PPM1D: variants seen among roughly 807,000 people sequenced by gnomAD.
PPM1D encodes protein phosphatase, Mg2+/Mn2+ dependent 1D, also known as protein phosphatase 1D.
PPM1D carries 52 observed loss-of-function variants against 58.3 expected under a neutral mutation model. The ratio of observed to expected loss-of-function variants is 0.89; its 90% CI spans 0.71 to 1.12. The LOEUF (loss-of-function observed/expected upper bound fraction) is 1.12. Ranked by LOEUF, PPM1D falls within the 50% of genes most tolerant of loss-of-function variation. PPM1D has a pLI of 0.00. For synonymous variants in PPM1D, 278 were observed against 285.1 expected (o/e 0.98, Z 0.25); for missense variants, 564 against 777.2 (o/e 0.73, Z 3.26).
At chr17:60,617,146 TAG>T (rs1179921822) in intron 1 of PPM1D, among the ~76,000 whole-genome samples, 1 of 150,260 alleles carries the variant, frequency 6.7e-6, no homozygotes, top group East Asian at 2.0e-4. Flanking sequence ...TTTTTTTTTG[TAG>T]AGACAGAATG....
intron 1 of PPM1D, among the ~76,000 whole-genome samples, chr17:60,613,454 C>T (rs183188012): frequency 3.3e-5 from 5 of 152,368 alleles, no homozygotes; most frequent in East Asian, 1.9e-4. Context: ...GAGTTGACAG[C>T]GTGCTGGCAG....
intron 4 of PPM1D, among the ~76,000 whole-genome samples, chr17:60,654,771 G>A (rs888407946): frequency 6.6e-6 from 1 of 151,548 alleles, no homozygotes; most frequent in Non-Finnish European, 1.5e-5. Context: ...GGGAGGCTGA[G>A]GCAGGAGAAT....
chr17:60,620,292 C>T (rs545146905), intron 1 of PPM1D, among the ~76,000 whole-genome samples: 9 of 151,956 alleles, frequency 5.9e-5, no homozygotes, highest in Admixed American at 1.3e-4. Context: ...CCACCGCGCC[C>T]GGCCTGCCCA....
At chr17:60,657,623 C>T (rs1296877766) in intron 5 of PPM1D, among the ~76,000 whole-genome samples, 1 of 152,162 alleles carries the variant, frequency 6.6e-6, no homozygotes, top group Non-Finnish European at 1.5e-5. Flanking sequence ...TTTTGGGCGT[C>T]GTAATCCTAT....
intron 3 of PPM1D, among the ~76,000 whole-genome samples, chr17:60,645,492 G>GTGTATATATA (rs1351779799): frequency 1.3e-4 from 17 of 132,090 alleles, no homozygotes; most frequent in African/African-American, 3.5e-4. Flanking sequence ...GTGTGTGTGT[G>GTGTATATATA]TATGTGTATA....
At chr17:60,601,535 C>G (rs1385426186) in intron 1 of PPM1D, among the ~76,000 whole-genome samples, 1 of 152,148 alleles carries the variant, frequency 6.6e-6, no homozygotes, top group African/African-American at 2.4e-5. Flanking sequence ...GTGTTGTTAC[C>G]TCTTAAAAAC....
intron 2 of PPM1D, among the ~76,000 whole-genome samples, chr17:60,628,486 A>G (rs1380329039): frequency 6.6e-6 from 1 of 152,182 alleles, no homozygotes; most frequent in African/African-American, 2.4e-5. Flanking sequence ...CATCACCGTA[A>G]GAGTCCTCTG....
intron 1 of PPM1D, among the ~76,000 whole-genome samples, chr17:60,606,568 A>T (rs2030333958): frequency 6.8e-6 from 1 of 147,424 alleles, no homozygotes; most frequent in South Asian, 2.1e-4. Context: ...CTTTTGTATT[A>T]AAAAAAAAAA....
At chr17:60,615,119 GGGTGT>G (rs1384523392) in intron 1 of PPM1D, among the ~76,000 whole-genome samples, 1 of 152,136 alleles carries the variant, frequency 6.6e-6, no homozygotes, top group African/African-American at 2.4e-5. Context: ...TCCTTAGGCT[GGGTGT>G]GGTGGCTCAC....
chr17:60,639,727 C>G (rs2143686781), intron 3 of PPM1D, among the ~76,000 whole-genome samples: 1 of 152,282 alleles, frequency 6.6e-6, no homozygotes, highest in East Asian at 1.9e-4. Flanking sequence ...CGTGAGCCAC[C>G]ACACCCAGCC....
rs2030182199 is a variant in PPM1D at position 60,600,550 on chromosome 17, T to C, written c.136T>C (p.Ser46Pro). 6.4e-7 allele frequency: 1 copy of C among 1,553,118 alleles called. No homozygotes were observed. Among genetic ancestry groups the C allele is most frequent in the Non-Finnish European group, 8.7e-7 (1 of 1,148,860 alleles). ...EEKPSPRRSLSQPLPPRPSPA... is the reference protein window; with the variant it reads ...EEKPSPRRSLPQPLPPRPSPA... ...AAAGCCCTCGCCGCGGCGGTCGCTG[T>C]CTCAGCCGTTGCCTCCGCGGCCGTC... Residue 46 changes from serine (S) to proline (P), a missense_variant, in exon 1 of 6, where the codon TCT becomes CCT. This residue lies in a region of PPM1D where 132 missense variants were observed against 150.4 expected (regional missense o/e 0.88). Coordinates refer to ENST00000305921, the MANE Select transcript of PPM1D (RefSeq NM_003620.4).
At chr17:60,629,694 T>G (rs2030879445) in intron 2 of PPM1D, among the ~76,000 whole-genome samples, 1 of 152,204 alleles carries the variant, frequency 6.6e-6, no homozygotes, top group Non-Finnish European at 1.5e-5. Context: ...TATTATAATT[T>G]TAAATATTGG....
intron 2 of PPM1D, 86 bp downstream of exon 2, chr17:60,623,835 C>G: frequency 7.7e-7 from 1 of 1,300,628 alleles, no homozygotes; most frequent in Non-Finnish European, 1.1e-6. Context: ...ACTACTGTCC[C>G]TTTTACTGAA....
At chr17:60,616,442 T>C (rs1202829683) in intron 1 of PPM1D, among the ~76,000 whole-genome samples, 2 of 151,938 alleles carry the variant, frequency 1.3e-5, no homozygotes, top group Non-Finnish European at 2.9e-5. Context: ...ATCCCGTCTC[T>C]ACTAAAAATA....
chr17:60,643,717 G>C (rs1422443603), intron 3 of PPM1D, among the ~76,000 whole-genome samples: 2 of 151,958 alleles, frequency 1.3e-5, no homozygotes, highest in Non-Finnish European at 1.5e-5. Context: ...CTGACACACT[G>C]TCTCTCCTCA....
intron 1 of PPM1D, among the ~76,000 whole-genome samples, chr17:60,614,616 C>T (rs1286661765): frequency 6.6e-6 from 1 of 152,098 alleles, no homozygotes; most frequent in African/African-American, 2.4e-5. Context: ...AGTTCTTTTG[C>T]CCTTTGCAAT....
chr17:60,645,574 A>ATATATATATGTGTGTATATATATG (rs1567974736), intron 3 of PPM1D, among the ~76,000 whole-genome samples: 12 of 127,926 alleles, frequency 9.4e-5, no homozygotes, highest in Non-Finnish European at 1.5e-4. Context: ...ATATATATGT[A>ATATATATATGTGTGTATATATATG]TATATATATG....
chr17:60,663,148 G>A lies in PPM1D; in HGVS notation c.1414G>A (p.Glu472Lys). ...QGVVIPSKDPEPLEENCAKAL... is the reference protein window; with the variant it reads ...QGVVIPSKDPKPLEENCAKAL... ...TGTAGTCATACCCTCAAAAGATCCAGAACCACTTGAAGAAAATTGCGCTAA... is the reference window on the plus strand; with the variant it reads ...TGTAGTCATACCCTCAAAAGATCCAAAACCACTTGAAGAAAATTGCGCTAA... The change falls in exon 6 of 6, where the codon GAA (glutamate) becomes AAA (lysine). Residue 472 changes from glutamate to lysine, a missense_variant. By Grantham distance (56) the Glu-to-Lys change is moderately conservative (BLOSUM62 1). Coordinates refer to ENST00000305921, the MANE Select transcript of PPM1D (RefSeq NM_003620.4). The A allele has an allele frequency of 6.2e-7, 1 of 1,614,078 alleles. No homozygotes were observed. Among genetic ancestry groups the A allele is most frequent in the Non-Finnish European group, 8.5e-7 (1 of 1,180,008 alleles).
At chr17:60,658,685 T>C (rs867648100) in intron 5 of PPM1D, among the ~76,000 whole-genome samples, 15 of 150,970 alleles carry the variant, frequency 9.9e-5, no homozygotes, top group Admixed American at 4.6e-4. Context: ...AATTCTGGGC[T>C]GGGCGTGGTG....
Sources: allele counts gnomAD v4.1 joint callset (sites outside exome capture counted in the v4.1 genomes callset), GRCh38; gene constraint gnomAD v4.1.1; regional missense constraint gnomAD v4.1.1; transcripts MANE v1.5; gene names NCBI Gene and HGNC (gene_info 2026-07-23, HGNC 2026-07-21).